Variants in ZBTB20 observed in about 807,000 individuals in gnomAD.
The protein encoded by ZBTB20 is zinc finger and BTB domain-containing protein 20.
A neutral mutation model predicts 56.9 loss-of-function variants in ZBTB20; 9 were observed. The observed-to-expected ratio is 0.16, with a 90% confidence interval of 0.10 to 0.28. The LOEUF is 0.28. ZBTB20 is among the 10% of genes least tolerant of loss of function. The pLI is 1.00. For missense variants in ZBTB20, 655 were observed against 1,003.0 expected, an observed-to-expected ratio of 0.65 and a Z score of 4.69; for synonymous variants, 417 against 420.7, an observed-to-expected ratio of 0.99 and a Z score of 0.11.
At chr3:115,088,391 A>ATT (rs2083066016) in intron 1 of ZBTB20, among the ~76,000 whole-genome samples, 1 of 151,848 alleles carries the variant, frequency 6.6e-6, no homozygotes, top group Non-Finnish European at 1.5e-5. Flanking sequence ...ACAAGACCAT[A>ATT]ACCCTGGTTA....
intron 7 of ZBTB20, among the ~76,000 whole-genome samples, chr3:114,499,225 T>C (rs989299684): frequency 6.6e-6 from 1 of 152,184 alleles, no homozygotes; most frequent in Non-Finnish European, 1.5e-5. Flanking sequence ...ATAAATGCAT[T>C]ACACACAGCT....
chr3:114,379,706 G>C (rs894228758), intron 10 of ZBTB20, among the ~76,000 whole-genome samples: 10 of 152,120 alleles, frequency 6.6e-5, no homozygotes, highest in Admixed American at 6.5e-4. Context: ...CTTTTCTTCT[G>C]TAAATTTATG....
chr3:114,612,508 TA>T (rs1177201870), intron 6 of ZBTB20, among the ~76,000 whole-genome samples: 2 of 151,936 alleles, frequency 1.3e-5, no homozygotes, highest in African/African-American at 4.8e-5. Context: ...ATCGTTTTAT[TA>T]AAAAAAAGTC....
At chr3:115,068,704 GATACTT>G (rs1169019443) in intron 2 of ZBTB20, among the ~76,000 whole-genome samples, 1 of 151,966 alleles carries the variant, frequency 6.6e-6, no homozygotes, top group Non-Finnish European at 1.5e-5. Flanking sequence ...GACCAATAGT[GATACTT>G]ATAATATTTA....
At chr3:114,643,267 A>G (rs546615304) in intron 6 of ZBTB20, among the ~76,000 whole-genome samples, 10 of 152,062 alleles carry the variant, frequency 6.6e-5, no homozygotes, top group Admixed American at 3.3e-4. Context: ...AGGCTGCAAA[A>G]TTTTCCTTAG....
At chr3:115,132,515 C>T (rs1314828236) in intron 1 of ZBTB20, among the ~76,000 whole-genome samples, 2 of 152,168 alleles carry the variant, frequency 1.3e-5, no homozygotes, top group Admixed American at 6.5e-5. Context: ...CATTTACCAA[C>T]TGTATATGAT....
chr3:114,697,125 A>G (rs1447707548), intron 5 of ZBTB20, among the ~76,000 whole-genome samples: 1 of 150,900 alleles, frequency 6.6e-6, no homozygotes, highest in Non-Finnish European at 1.5e-5. Flanking sequence ...AGAGCTTTAT[A>G]TAGCTCCCAA....
chr3:114,897,536 A>AT (rs1560375010), intron 4 of ZBTB20, among the ~76,000 whole-genome samples: 2 of 152,118 alleles, frequency 1.3e-5, no homozygotes, highest in African/African-American at 2.4e-5. Flanking sequence ...CCTCTTTGAG[A>AT]TTCCAGGCTA....
At chr3:115,115,798 T>C (rs2084001362) in intron 1 of ZBTB20, among the ~76,000 whole-genome samples, 1 of 152,086 alleles carries the variant, frequency 6.6e-6, no homozygotes, top group African/African-American at 2.4e-5. Context: ...AAACACTGCT[T>C]GATTCATGAT....
intron 6 of ZBTB20, among the ~76,000 whole-genome samples, chr3:114,615,370 T>C (rs1462983228): frequency 6.6e-6 from 1 of 152,184 alleles, no homozygotes. Flanking sequence ...CACTATATAA[T>C]GCCTTACTAA....
At chr3:114,450,668 C>T (rs1037977878) in intron 7 of ZBTB20, among the ~76,000 whole-genome samples, 1 of 152,052 alleles carries the variant, frequency 6.6e-6, no homozygotes, top group Admixed American at 6.6e-5. Context: ...CTGATACAAA[C>T]AGGATATATT....
chr3:114,532,392 CCCA>C (rs1255539957), intron 6 of ZBTB20, among the ~76,000 whole-genome samples: 1 of 152,174 alleles, frequency 6.6e-6, no homozygotes, highest in Admixed American at 6.5e-5. Context: ...CTGGGTGGAG[CCCA>C]CCACAGTTCG....
At chr3:114,813,539 C>T (rs1256633917) in intron 4 of ZBTB20, among the ~76,000 whole-genome samples, 3 of 152,158 alleles carry the variant, frequency 2.0e-5, no homozygotes, top group African/African-American at 7.2e-5. Flanking sequence ...TCACTTGAGT[C>T]CAGGAGTTTG....
intron 10 of ZBTB20, among the ~76,000 whole-genome samples, chr3:114,370,279 T>G (rs1481463901): frequency 6.6e-6 from 1 of 152,244 alleles, no homozygotes; most frequent in African/African-American, 2.4e-5. Flanking sequence ...TCATTATTTC[T>G]TTTTAAAACA....
intron 1 of ZBTB20, among the ~76,000 whole-genome samples, chr3:115,120,086 A>T (rs2084139819): frequency 6.6e-6 from 1 of 152,108 alleles, no homozygotes; most frequent in South Asian, 2.1e-4. Context: ...ACTCTGTATG[A>T]GTCTTATAAT....
chr3:114,577,183 C>T (rs1055805055), intron 6 of ZBTB20, among the ~76,000 whole-genome samples: 1 of 151,656 alleles, frequency 6.6e-6, no homozygotes, highest in Non-Finnish European at 1.5e-5. Context: ...TAGTGACCAG[C>T]ACAACTAAAC....
intron 5 of ZBTB20, among the ~76,000 whole-genome samples, chr3:114,693,849 G>A (rs1375467286): frequency 6.6e-6 from 1 of 152,030 alleles, no homozygotes; most frequent in Non-Finnish European, 1.5e-5. Flanking sequence ...GCAATTCACT[G>A]TAACTTGTGT....
intron 3 of ZBTB20, 23 bp downstream of exon 3, chr3:114,974,343 A>G (rs1343374628): frequency 6.6e-6 from 1 of 152,170 alleles, no homozygotes; most frequent in Non-Finnish European, 1.5e-5. Context: ...AAGCCCATTC[A>G]GGAAAATACC....
intron 5 of ZBTB20, among the ~76,000 whole-genome samples, chr3:114,726,545 A>G (rs967519150): frequency 4.6e-5 from 7 of 152,172 alleles, no homozygotes; most frequent in Admixed American, 4.6e-4. Flanking sequence ...AGTGAGGCCT[A>G]AGAATCTGCA....
Sources: gnomAD v4.1 joint callset for allele counts (sites outside exome capture counted in the v4.1 genomes callset) on GRCh38, gnomAD v4.1.1 for gene constraint, MANE v1.5 for transcripts, NCBI Gene and HGNC (gene_info 2026-07-23, HGNC 2026-07-21) for gene names.